Variants in VPS36 observed in about 807,000 individuals in gnomAD.
VPS36 encodes vacuolar protein sorting 36 homolog, also known as vacuolar protein-sorting-associated protein 36.
VPS36 carries 31 observed loss-of-function variants against 63.5 expected under a neutral mutation model. The observed-to-expected ratio is 0.49, with a 90% CI of 0.37 to 0.66. VPS36 has a LOEUF of 0.66. Among genes scored for constraint, VPS36 ranks in the 30% least tolerant of loss-of-function variants. The pLI is 0.00. For synonymous variants in VPS36, 138 were observed against 157.2 expected (o/e 0.88, Z 0.91); for missense variants, 338 against 463.7 (o/e 0.73, Z 2.49).
intron 2 of VPS36, among the ~76,000 whole-genome samples, chr13:52,440,291 T>C (rs1255762677): frequency 6.6e-6 from 1 of 151,644 alleles, no homozygotes; most frequent in Non-Finnish European, 1.5e-5. Context: ...GTATGTTTAA[T>C]TTTTAATTTT....
intron 9 of VPS36, among the ~76,000 whole-genome samples, chr13:52,424,130 G>A (rs1265795371): frequency 2.6e-5 from 4 of 152,062 alleles, no homozygotes; most frequent in Non-Finnish European, 4.4e-5. Flanking sequence ...AAAGTGCTGG[G>A]ATTACAGGCG....
chr13:52,443,081 G>C (rs1156268333), intron 1 of VPS36, among the ~76,000 whole-genome samples: 1 of 152,170 alleles, frequency 6.6e-6, no homozygotes, highest in Non-Finnish European at 1.5e-5. Context: ...ATCAATGGCA[G>C]TGGGACAACT....
chr13:52,425,535 A>C (rs2137781923), intron 9 of VPS36, among the ~76,000 whole-genome samples: 1 of 152,274 alleles, frequency 6.6e-6, no homozygotes, highest in Admixed American at 6.5e-5. Context: ...TTTTTAATAC[A>C]AGTGCTTTAA....
chr13:52,450,343 G>C, intron 1 of VPS36, 156 bp downstream of exon 1: 2 of 1,189,532 alleles, frequency 1.7e-6, no homozygotes, highest in Non-Finnish European at 2.1e-6. Flanking sequence ...GGGAGCGCAA[G>C]AGCGCTGCAC....
At position 52,414,769 on chromosome 13, in the gene VPS36, T is replaced by C. The variant is rs1957978574; in HGVS notation, c.*1061A>G. 1 of 152,238 alleles carries C rather than the reference T, an allele frequency of 6.6e-6. No homozygotes were observed. The highest frequency in any genetic ancestry group is 1.5e-5 in the Non-Finnish European group (1 of 68,044). 9.4% of individuals were successfully genotyped at this position (152,238 alleles called of 1,614,324 possible). On this transcript the variant is annotated 3_prime_UTR_variant, in exon 14 of 14. Coordinates refer to ENST00000378060, the MANE Select transcript of VPS36 (RefSeq NM_016075.4). The stretch of plus-strand genomic sequence containing the variant: ...TCCTGTGGGGTCCCTGAGTTTGAGA[T>C]AATGCGAACATACTGGAGGCTGTAG...
chr13:52,425,077 T>C (rs1286440965), intron 9 of VPS36, among the ~76,000 whole-genome samples: 3 of 151,088 alleles, frequency 2.0e-5, no homozygotes, highest in African/African-American at 7.3e-5. Flanking sequence ...TGAAACCCCA[T>C]CTCTACTAAA....
chr13:52,428,808 T>TTATTA (rs1958128516), intron 6 of VPS36, among the ~76,000 whole-genome samples: 1 of 152,172 alleles, frequency 6.6e-6, no homozygotes, highest in Non-Finnish European at 1.5e-5. Flanking sequence ...ATCACTGTAT[T>TTATTA]TATTATATTA....
Position 52,436,317 on chromosome 13 carries a change from G to C in VPS36, c.324C>G (p.Leu108=). Residue 108 remains leucine, a synonymous_variant, in exon 4 of 14, where the codon CTC becomes CTG. Transcript: ENST00000378060. ...FQSSKNSYIK[L]SFKEHGQIEF... Reference sequence around the variant, plus strand: ...CAATCTGGCCATGTTCTTTGAAGGAGAGTTTGATGTAGGAGTTCTTACTAC... The same window carrying C: ...CAATCTGGCCATGTTCTTTGAAGGACAGTTTGATGTAGGAGTTCTTACTAC... 6.2e-7 allele frequency: 1 copy of C among 1,612,600 alleles called. No individual in the cohort carries two copies. Among genetic ancestry groups the C allele is most frequent in the Non-Finnish European group, 8.5e-7 (1 of 1,179,530 alleles).
intron 1 of VPS36, among the ~76,000 whole-genome samples, chr13:52,446,080 C>T (rs965450131): frequency 1.3e-4 from 19 of 148,722 alleles, no homozygotes; most frequent in African/African-American, 4.7e-4. Context: ...GAAACCCCGT[C>T]TCTACTAAAA....
rs900504676 is a variant in VPS36 at position 52,418,512 on chromosome 13, T to C, written c.841-456A>G. On this transcript the variant is annotated intron_variant, in intron 10 of 13. Transcript: ENST00000378060. ...ATTGCTTGAACCCAGGAGGCGGAGT[T>C]TGCAGTTAGCCGAGATCGCACCATG... Among the ~76,000 whole-genome samples the C allele has an allele frequency of 2.7e-5, 4 of 148,778 alleles. No individual in the cohort carries two copies. The East Asian group carries it at 5.9e-4, about 22-fold the overall frequency.
At chr13:52,445,977 A>G (rs1441505564) in intron 1 of VPS36, among the ~76,000 whole-genome samples, 4,187 of 88,238 alleles carry the variant, frequency 0.047, 112 homozygotes, top group South Asian at 0.076. Context: ...AAGGCCGGGC[A>G]CCTTGGCTCA....
rs574782493 is a variant in VPS36, at chr13:52,421,429, A to T, written c.840+2145T>A. ...CAGCAGATACAAAGTTACAGTTAAG[A>T]CAGGAAGCATGAGTTCTGCTGCTAT... On this transcript the variant is annotated intron_variant, in intron 10 of 13. Transcript: ENST00000378060. 9.9e-5 allele frequency among the ~76,000 whole-genome samples: 15 copies of T among 151,286 alleles called. 1 individual carries two copies. The East Asian group carries it at 2.1e-3, about 22-fold the overall frequency.
intron 5 of VPS36, among the ~76,000 whole-genome samples, chr13:52,433,980 T>C (rs1418044824): frequency 6.6e-6 from 1 of 152,244 alleles, no homozygotes; most frequent in Non-Finnish European, 1.5e-5. Flanking sequence ...TGGCATATTT[T>C]ACTCTGCATT....
intron 10 of VPS36, 36 bp from the exon 11 acceptor site, chr13:52,418,092 T>A: frequency 6.5e-7 from 1 of 1,542,646 alleles, no homozygotes; most frequent in Non-Finnish European, 8.9e-7. Flanking sequence ...TGCTATACAA[T>A]GGTAATGATC....
At chr13:52,433,159 T>G (rs1958177421) in intron 6 of VPS36, among the ~76,000 whole-genome samples, 1 of 152,194 alleles carries the variant, frequency 6.6e-6, no homozygotes, top group East Asian at 1.9e-4. Flanking sequence ...TCATGAAGCC[T>G]CAGAAACACT....
At chr13:52,417,891 C>A in intron 11 of VPS36, 101 bp downstream of exon 11, 1 of 895,262 alleles carries the variant, frequency 1.1e-6, no homozygotes, top group South Asian at 1.7e-5. Flanking sequence ...GAGAAATAAT[C>A]TGGCTTGACA....
In VPS36 at chr13:52,436,409, A is replaced by G; in HGVS notation, c.237-5T>C. On this transcript the variant is annotated splice_polypyrimidine_tract_variant and splice_region_variant and intron_variant, in intron 3 of 13. Transcript: ENST00000378060. ...AGATGAACCACTATTTTGGCACTGA[A>G]GAAAGAACAAATGTAATATATTGAA... 1 of 1,582,912 alleles carries G rather than the reference A, an allele frequency of 6.3e-7. No homozygotes were observed.
At chr13:52,422,876 G>C (rs1958060232) in intron 10 of VPS36, among the ~76,000 whole-genome samples, 2 of 152,198 alleles carry the variant, frequency 1.3e-5, no homozygotes, top group Non-Finnish European at 2.9e-5. Flanking sequence ...ATCTCATCTT[G>C]TAGCTCCCAT....
intron 5 of VPS36, among the ~76,000 whole-genome samples, chr13:52,434,062 T>C (rs1369479015): frequency 6.6e-6 from 1 of 152,188 alleles, no homozygotes; most frequent in East Asian, 1.9e-4. Context: ...CTTAATAGGG[T>C]CTCAAATGTA....
Sources: gnomAD v4.1 joint callset for allele counts (sites outside exome capture counted in the v4.1 genomes callset) on GRCh38, gnomAD v4.1.1 for gene constraint, MANE v1.5 for transcripts, NCBI Gene and HGNC (gene_info 2026-07-23, HGNC 2026-07-21) for gene names.